The following NUDT7 variants were observed in gnomAD, a reference collection of about 807,000 sequenced individuals.
NUDT7 encodes the protein peroxisomal coenzyme A diphosphatase NUDT7.
A neutral mutation model predicts 13.1 loss-of-function variants in NUDT7; 19 were observed. The ratio of observed to expected loss-of-function variants is 1.45; its 90% CI spans 1.01 to 2.13. The LOEUF is 2.13. NUDT7 is among the 30% of genes most tolerant of loss of function. NUDT7 has a pLI of 0.00. For synonymous variants in NUDT7, 132 were observed against 109.7 expected (o/e 1.20, Z -1.27); for missense variants, 360 against 291.7 (o/e 1.23, Z -1.71).
Position 77,725,516 on chromosome 16 carries a change from T to G in NUDT7, c.121T>G (p.Ser41Ala), listed in dbSNP as rs755633045. The change falls in exon 2 of 4, where the codon TCC becomes GCC. Residue 41 changes from serine (S) to alanine (A), a missense_variant. Coordinates refer to ENST00000268533, the MANE Select transcript of NUDT7 (RefSeq NM_001105663.3). ...TTCTCACTTGCCATATAACAAATAC[T>G]CCGTCCTTTTGCCATTGGTGGCTAA... The part of the protein sequence containing the change: ...KYSHLPYNKY[S>A]VLLPLVAKEG... 1 of 1,614,060 alleles carries G rather than the reference T, an allele frequency of 6.2e-7. No homozygotes were observed. Among genetic ancestry groups the G allele is most frequent in the East Asian group, 2.2e-5 (1 of 44,880 alleles).
chr16:77,725,057 G>C (rs1269738625), intron 1 of NUDT7, among the ~76,000 whole-genome samples: 1 of 152,194 alleles, frequency 6.6e-6, no homozygotes, highest in Non-Finnish European at 1.5e-5. Flanking sequence ...ATAAGGGCCA[G>C]CTTAACAGAA....
At chr16:77,726,568 G>A (rs2014143306) in intron 2 of NUDT7, among the ~76,000 whole-genome samples, 1 of 152,112 alleles carries the variant, frequency 6.6e-6, no homozygotes, top group Admixed American at 6.5e-5. Context: ...AGGCCAAGGT[G>A]GGAGGATCAC....
At chr16:77,725,616 C>T (rs950022158) in intron 2 of NUDT7, 32 bp downstream of exon 2, 3 of 1,604,064 alleles carry the variant, frequency 1.9e-6, no homozygotes, top group Admixed American at 3.4e-5. Flanking sequence ...TGCCCTTAAA[C>T]CTCAGGACAT....
intron 2 of NUDT7, 180 bp downstream of exon 2, chr16:77,725,764 A>C (rs1038768166): frequency 3.3e-6 from 2 of 605,504 alleles, no homozygotes; most frequent in African/African-American, 3.7e-5. Flanking sequence ...AAGGTTTAAC[A>C]AGAAAATGAA....
At chr16:77,727,876 A>AAAAT (rs1183658273) in intron 2 of NUDT7, among the ~76,000 whole-genome samples, 1 of 128,944 alleles carries the variant, frequency 7.8e-6, no homozygotes, top group Admixed American at 7.7e-5. Context: ...TAAATAAATA[A>AAAAT]AAATAAATAA....
At chr16:77,732,045 G>C (rs1036593103) in intron 2 of NUDT7, among the ~76,000 whole-genome samples, 1 of 152,112 alleles carries the variant, frequency 6.6e-6, no homozygotes, top group South Asian at 2.1e-4. Flanking sequence ...AAAGAAAAAG[G>C]CCGGGGGGTG....
chr16:77,725,702 A>T, intron 2 of NUDT7, 118 bp downstream of exon 2: 1 of 851,752 alleles, frequency 1.2e-6, no homozygotes, highest in Non-Finnish European at 1.8e-6. Context: ...CAAAATTGTG[A>T]TGTCAGAGGC....
chr16:77,728,947 T>G (rs2014228763), intron 2 of NUDT7, among the ~76,000 whole-genome samples: 1 of 152,012 alleles, frequency 6.6e-6, no homozygotes, highest in Admixed American at 6.6e-5. Context: ...TCTTCTACCC[T>G]CCTCCACCCT....
At chr16:77,740,397 T>A (rs1308559982) in intron 3 of NUDT7, among the ~76,000 whole-genome samples, 1 of 152,132 alleles carries the variant, frequency 6.6e-6, no homozygotes, top group African/African-American at 2.4e-5. Flanking sequence ...GAATTCCAGT[T>A]CTTCTCACTT....
At chr16:77,734,405 C>T (rs1421996339) in intron 2 of NUDT7, among the ~76,000 whole-genome samples, 1 of 152,100 alleles carries the variant, frequency 6.6e-6, no homozygotes, top group South Asian at 2.1e-4. Flanking sequence ...GGGCAGATCA[C>T]GAGGTCAGAA....
intron 2 of NUDT7, among the ~76,000 whole-genome samples, chr16:77,728,144 AT>A (rs1467273902): frequency 2.0e-5 from 3 of 151,980 alleles, no homozygotes; most frequent in African/African-American, 2.4e-5. Flanking sequence ...CTGGTAGGAG[AT>A]TTCCCCCCAG....
intron 3 of NUDT7, among the ~76,000 whole-genome samples, chr16:77,740,818 G>T (rs1353200198): frequency 6.6e-6 from 1 of 152,130 alleles, no homozygotes; most frequent in Non-Finnish European, 1.5e-5. Context: ...AAAGTGCTGG[G>T]ATTACAGGCG....
chr16:77,722,549 G>A lies in NUDT7; in HGVS notation c.-34G>A. The A allele has an allele frequency of 1.3e-6, 2 of 1,567,658 alleles. No homozygotes were observed. Among genetic ancestry groups the A allele is most frequent in the South Asian group, 1.2e-5 (1 of 85,614 alleles). On this transcript the variant is annotated 5_prime_UTR_variant, in exon 1 of 4. Transcript: ENST00000268533. The stretch of plus-strand genomic sequence containing the variant: ...AGCGCGACCGACCGAGCAGCTCCGA[G>A]GAGTCCGCCCGGAAACAAACATTCC...
rs148039880 is a variant in NUDT7 at position 77,726,187 on chromosome 16, G to C, written c.189+603G>C. Among the ~76,000 whole-genome samples the C allele has an allele frequency of 1.4e-3, 212 of 152,324 alleles. 1 individual carries two copies. The highest frequency in any genetic ancestry group is 4.8e-3 in the African/African-American group (198 of 41,572). On this transcript the variant is annotated intron_variant, in intron 2 of 3. Coordinates refer to ENST00000268533, the MANE Select transcript of NUDT7 (RefSeq NM_001105663.3). ...TTGAATCCAGGCTCTCTCCTTGCCA[G>C]CTGTGACTTTGGCCTCGTTACTTGC...
At chr16:77,727,340 T>C (rs961749065) in intron 2 of NUDT7, among the ~76,000 whole-genome samples, 2 of 151,994 alleles carry the variant, frequency 1.3e-5, no homozygotes, top group Non-Finnish European at 2.9e-5. Context: ...AAGTATTTTG[T>C]TTAAAAAAAA....
intron 3 of NUDT7, among the ~76,000 whole-genome samples, chr16:77,738,935 T>C (rs1408204899): frequency 1.3e-5 from 2 of 152,254 alleles, no homozygotes; most frequent in Non-Finnish European, 2.9e-5. Context: ...TTCACGTCTC[T>C]AATTGTAGTT....
intron 1 of NUDT7, among the ~76,000 whole-genome samples, chr16:77,724,704 A>G (rs375794955): frequency 4.6e-5 from 7 of 152,234 alleles, no homozygotes; most frequent in Non-Finnish European, 7.3e-5. Context: ...GTGAGGGGAT[A>G]CTGTTCAACC....
chr16:77,734,570 C>T (rs1230355072), intron 2 of NUDT7, among the ~76,000 whole-genome samples: 2 of 152,064 alleles, frequency 1.3e-5, no homozygotes, highest in Non-Finnish European at 2.9e-5. Flanking sequence ...TTGCAGTGAG[C>T]CGAGTTCGCA....
intron 2 of NUDT7, 93 bp from the exon 3 acceptor site, chr16:77,735,735 G>T (rs57039619): frequency 8.4e-7 from 1 of 1,186,818 alleles, no homozygotes; most frequent in Non-Finnish European, 1.2e-6. Flanking sequence ...ATGGTCTCTG[G>T]TACAAAATAG....
Sources: gnomAD v4.1 joint callset for allele counts (sites outside exome capture counted in the v4.1 genomes callset) on GRCh38, gnomAD v4.1.1 for gene constraint, MANE v1.5 for transcripts, NCBI Gene and HGNC (gene_info 2026-07-23, HGNC 2026-07-21) for gene names.